WWOX: variants seen among roughly 807,000 people sequenced by gnomAD.
WWOX encodes WW domain containing oxidoreductase.
Under a neutral mutation model 46.2 loss-of-function variants are expected in WWOX, and 69 were observed. The observed-to-expected ratio is 1.49, with a 90% confidence interval of 1.23 to 1.82. The LOEUF is 1.82. Ranked by LOEUF, WWOX falls within the 40% of genes most tolerant of loss-of-function variation. WWOX has a pLI of 0.00. For synonymous variants in WWOX, 359 were observed against 202.6 expected, an observed-to-expected ratio of 1.77 and a Z score of -6.56; for missense variants, 919 against 542.6, an observed-to-expected ratio of 1.69 and a Z score of -6.89.
chr16:78,919,348 C>G (rs1257174277), intron 8 of WWOX, among the ~76,000 whole-genome samples: 1 of 151,886 alleles, frequency 6.6e-6, no homozygotes, highest in Non-Finnish European at 1.5e-5. Flanking sequence ...GTGGTAGATT[C>G]TAGAATTTGC....
At chr16:78,162,138 G>A (rs1414557772) in intron 4 of WWOX, among the ~76,000 whole-genome samples, 1 of 152,312 alleles carries the variant, frequency 6.6e-6, no homozygotes, top group Non-Finnish European at 1.5e-5. Context: ...ACTAGGTGTA[G>A]TGTAGGTGAC....
At position 78,462,023 on chromosome 16, in the gene WWOX, C is replaced by G. The variant is rs1266213377; in HGVS notation, c.1056+29271C>G. ...CAATTAAACTCCTCTGGTTTTAGCC[C>G]TCAGGCAATTTAGTACCTTTTTACA... On this transcript the variant is annotated intron_variant, in intron 8 of 8. Coordinates refer to ENST00000566780, the MANE Select transcript of WWOX (RefSeq NM_016373.4). 2.0e-5 allele frequency among the ~76,000 whole-genome samples: 3 copies of G among 152,296 alleles called. No homozygotes were observed. In the East Asian group the frequency reaches 5.8e-4, roughly 29 times the overall value.
At chr16:78,831,664 A>G (rs1449523806) in intron 8 of WWOX, among the ~76,000 whole-genome samples, 1 of 152,180 alleles carries the variant, frequency 6.6e-6, no homozygotes, top group Non-Finnish European at 1.5e-5. Flanking sequence ...AGTGATCATA[A>G]TACTATTTCC....
At chr16:78,892,590 C>G (rs1431140814) in intron 8 of WWOX, among the ~76,000 whole-genome samples, 2 of 152,206 alleles carry the variant, frequency 1.3e-5, no homozygotes, top group African/African-American at 4.8e-5. Context: ...AGCAGCTCCA[C>G]TTTTACCTGT....
chr16:78,682,078 A>G (rs955457626), intron 8 of WWOX, among the ~76,000 whole-genome samples: 3 of 152,206 alleles, frequency 2.0e-5, no homozygotes, highest in Non-Finnish European at 4.4e-5. Flanking sequence ...GAGAAAATGC[A>G]TGTATGTAAA....
At chr16:79,043,013 C>T (rs950412650) in intron 8 of WWOX, among the ~76,000 whole-genome samples, 1 of 152,064 alleles carries the variant, frequency 6.6e-6, no homozygotes, top group Non-Finnish European at 1.5e-5. Context: ...TTGAGCTTTT[C>T]TGTTCAGTGA....
At chr16:79,015,495 G>A (rs2550723) in intron 8 of WWOX, among the ~76,000 whole-genome samples, 14 of 151,976 alleles carry the variant, frequency 9.2e-5, no homozygotes, top group African/African-American at 3.1e-4. Context: ...AAACTATAAC[G>A]TCTTTATTTC....
intron 5 of WWOX, among the ~76,000 whole-genome samples, chr16:78,370,980 C>CTTTTT (rs66999008): frequency 6.7e-5 from 9 of 134,402 alleles, no homozygotes; most frequent in East Asian, 4.5e-4. Context: ...GTTGTGATTT[C>CTTTTT]TTTTTTTTTT....
At chr16:79,198,158 C>T (rs1355251608) in intron 8 of WWOX, among the ~76,000 whole-genome samples, 2 of 146,200 alleles carry the variant, frequency 1.4e-5, no homozygotes, top group African/African-American at 5.3e-5. Context: ...AACCCCGTCT[C>T]TACTAAAAAA....
At chr16:78,380,217 G>T (rs1331537624) in intron 5 of WWOX, among the ~76,000 whole-genome samples, 1 of 152,122 alleles carries the variant, frequency 6.6e-6, no homozygotes, top group Non-Finnish European at 1.5e-5. Flanking sequence ...GGGCTTCTAA[G>T]GGGCAAGGAG....
At chr16:78,831,765 A>G (rs1168645934) in intron 8 of WWOX, among the ~76,000 whole-genome samples, 1 of 152,238 alleles carries the variant, frequency 6.6e-6, no homozygotes, top group Admixed American at 6.5e-5. Context: ...AATAATGATT[A>G]TAACTATGAC....
At chr16:79,087,678 T>C (rs369808191) in intron 8 of WWOX, among the ~76,000 whole-genome samples, 140 of 152,336 alleles carry the variant, frequency 9.2e-4, no homozygotes, top group African/African-American at 3.3e-3. Context: ...ATCGTTGCAT[T>C]TGTGGTCCTG....
chr16:79,022,112 A>AG (rs1488635576), intron 8 of WWOX, among the ~76,000 whole-genome samples: 1 of 152,232 alleles, frequency 6.6e-6, no homozygotes, highest in Non-Finnish European at 1.5e-5. Flanking sequence ...ATGAGTGCAG[A>AG]GGCACGTAGG....
intron 8 of WWOX, among the ~76,000 whole-genome samples, chr16:78,755,644 C>T (rs550223007): frequency 3.9e-5 from 6 of 152,182 alleles, no homozygotes; most frequent in Non-Finnish European, 8.8e-5. Context: ...AGGAACATCA[C>T]CTGCCTTGGT....
intron 8 of WWOX, among the ~76,000 whole-genome samples, chr16:78,705,547 T>C (rs975259357): frequency 6.6e-6 from 1 of 152,224 alleles, no homozygotes; most frequent in Non-Finnish European, 1.5e-5. Flanking sequence ...GGCTCTGCTC[T>C]TAGCCTGCAG....
intron 8 of WWOX, among the ~76,000 whole-genome samples, chr16:79,183,019 C>G (rs1337272841): frequency 3.3e-5 from 5 of 152,218 alleles, no homozygotes; most frequent in Non-Finnish European, 7.3e-5. Context: ...GTCTGACACA[C>G]ATATTTCAGG....
intron 6 of WWOX, among the ~76,000 whole-genome samples, chr16:78,395,739 GTTTTT>G (rs879906234): frequency 2.1e-4 from 31 of 144,684 alleles, no homozygotes; most frequent in African/African-American, 8.2e-4. Flanking sequence ...ACTGAGTATG[GTTTTT>G]TGTTTTGTTT....
At chr16:79,015,052 C>A (rs1343811411) in intron 8 of WWOX, among the ~76,000 whole-genome samples, 1 of 152,152 alleles carries the variant, frequency 6.6e-6, no homozygotes. Context: ...GGGCCTTTCT[C>A]CTGCTGTCAT....
At chr16:78,381,670 T>G (rs1464078503) in intron 5 of WWOX, among the ~76,000 whole-genome samples, 1 of 152,130 alleles carries the variant, frequency 6.6e-6, no homozygotes, top group Admixed American at 6.5e-5. Context: ...GAAGGAAAAT[T>G]TTGAGAGCCA....
Sources: gnomAD v4.1 joint callset for allele counts (sites outside exome capture counted in the v4.1 genomes callset) on GRCh38, gnomAD v4.1.1 for gene constraint, MANE v1.5 for transcripts, NCBI Gene and HGNC (gene_info 2026-07-23, HGNC 2026-07-21) for gene names.